The following NALF1 variants were observed in gnomAD, a reference collection of about 807,000 sequenced individuals.
NALF1 encodes the protein NALCN channel auxiliary factor 1.
A neutral mutation model predicts 48.4 loss-of-function variants in NALF1; 3 were observed. That is an observed-to-expected ratio of 0.06 (90% CI 0.03 to 0.16). The LOEUF is 0.16. NALF1 is among the 10% of genes least tolerant of loss of function. The pLI is 1.00. For missense variants in NALF1, 526 were observed against 571.5 expected (o/e 0.92, Z 0.81); for synonymous variants, 262 against 245.7 (o/e 1.07, Z -0.62).
At chr13:107,373,563 C>A (rs1883284898) in intron 1 of NALF1, among the ~76,000 whole-genome samples, 1 of 152,122 alleles carries the variant, frequency 6.6e-6, no homozygotes, top group Non-Finnish European at 1.5e-5. Flanking sequence ...GCCAATGGGT[C>A]CAGCTGTATT....
intron 1 of NALF1, among the ~76,000 whole-genome samples, chr13:107,633,084 T>C (rs1365628085): frequency 1.3e-5 from 2 of 152,112 alleles, no homozygotes; most frequent in Non-Finnish European, 2.9e-5. Flanking sequence ...TTTTGTGTTT[T>C]ATTTTTGGAA....
At chr13:107,551,706 T>C (rs946096991) in intron 1 of NALF1, among the ~76,000 whole-genome samples, 3 of 152,102 alleles carry the variant, frequency 2.0e-5, no homozygotes, top group African/African-American at 7.2e-5. Flanking sequence ...CTCTTGCCCT[T>C]GATGTTGAAA....
chr13:107,234,481 T>TATATATATATATATATATA (rs1880296642), intron 1 of NALF1, among the ~76,000 whole-genome samples: 2 of 152,108 alleles, frequency 1.3e-5, no homozygotes, highest in African/African-American at 4.8e-5. Flanking sequence ...TTTATAAACA[T>TATATATATATATATATATA]CAAAGACAGG....
At chr13:107,573,824 T>C (rs930079470) in intron 1 of NALF1, among the ~76,000 whole-genome samples, 5 of 152,292 alleles carry the variant, frequency 3.3e-5, no homozygotes, top group African/African-American at 9.6e-5. Context: ...CCTGCTGCCA[T>C]GTAAGATGTG....
chr13:107,464,305 G>T (rs1884965707), intron 1 of NALF1, among the ~76,000 whole-genome samples: 1 of 152,126 alleles, frequency 6.6e-6, no homozygotes, highest in South Asian at 2.1e-4. Flanking sequence ...TAATACACAT[G>T]AAGATGAATG....
chr13:107,845,845 A>G (rs559685753), intron 1 of NALF1, among the ~76,000 whole-genome samples: 1 of 152,322 alleles, frequency 6.6e-6, no homozygotes, highest in Non-Finnish European at 1.5e-5. Flanking sequence ...AAAGAATGCC[A>G]CTACTAAAGA....
chr13:107,706,135 A>G (rs554742355), intron 1 of NALF1, among the ~76,000 whole-genome samples: 4 of 152,320 alleles, frequency 2.6e-5, no homozygotes, highest in Non-Finnish European at 4.4e-5. Flanking sequence ...AGCCTGCTAA[A>G]GTGCAGGGAA....
chr13:107,308,346 T>C (rs1881980846), intron 1 of NALF1, among the ~76,000 whole-genome samples: 1 of 151,584 alleles, frequency 6.6e-6, no homozygotes, highest in Non-Finnish European at 1.5e-5. Context: ...GGACTAAAGG[T>C]ACCCGCCACC....
intron 1 of NALF1, among the ~76,000 whole-genome samples, chr13:107,630,644 A>T (rs1879811377): frequency 6.6e-6 from 1 of 152,148 alleles, no homozygotes; most frequent in South Asian, 2.1e-4. Context: ...TAATCGTCTA[A>T]TAGGAGGTTT....
chr13:107,614,323 A>C (rs1192445075), intron 1 of NALF1, among the ~76,000 whole-genome samples: 1 of 152,194 alleles, frequency 6.6e-6, no homozygotes, highest in East Asian at 1.9e-4. Flanking sequence ...TTGTAAGTAC[A>C]TGTGTTCTTG....
chr13:107,753,856 A>C (rs144558064), intron 1 of NALF1, among the ~76,000 whole-genome samples: 1 of 152,136 alleles, frequency 6.6e-6, no homozygotes, highest in African/African-American at 2.4e-5. Flanking sequence ...GGTACAAATA[A>C]ATCTGTGATG....
At chr13:107,373,473 C>T (rs1309325942) in intron 1 of NALF1, among the ~76,000 whole-genome samples, 7 of 152,214 alleles carry the variant, frequency 4.6e-5, no homozygotes, top group Admixed American at 2.0e-4. Context: ...GCTGGGATTC[C>T]GATCCCAGTC....
intron 1 of NALF1, among the ~76,000 whole-genome samples, chr13:107,468,801 CAA>C (rs1266987618): frequency 1.3e-5 from 2 of 152,030 alleles, no homozygotes; most frequent in East Asian, 3.9e-4. Context: ...TGGCAACAAA[CAA>C]GAGAGAAAAT....
chr13:107,807,209 T>C (rs1005573029), intron 1 of NALF1, among the ~76,000 whole-genome samples: 2 of 152,202 alleles, frequency 1.3e-5, no homozygotes, highest in African/African-American at 2.4e-5. Context: ...TCGTAAAAGT[T>C]TGTATTGTTG....
intron 1 of NALF1, among the ~76,000 whole-genome samples, chr13:107,390,218 C>T (rs1020060568): frequency 2.0e-5 from 3 of 151,728 alleles, no homozygotes; most frequent in Admixed American, 6.6e-5. Context: ...ATTAGCCTGG[C>T]GTAGTGGCAT....
chr13:107,615,339 T>A (rs924928161), intron 1 of NALF1, among the ~76,000 whole-genome samples: 2 of 152,138 alleles, frequency 1.3e-5, no homozygotes, highest in Non-Finnish European at 2.9e-5. Flanking sequence ...CCTGGTACCA[T>A]GTTGGCGGGT....
At position 107,236,662 on chromosome 13, in the gene NALF1, CATCTGTCTGTCT is replaced by C. The variant is rs1566460072; in HGVS notation, c.916-25919_916-25908del. Among the ~76,000 whole-genome samples, 11 of 148,164 alleles carry C rather than the reference CATCTGTCTGTCT, an allele frequency of 7.4e-5. 1 individual carries two copies. In the South Asian group the frequency reaches 2.0e-3, roughly 26 times the overall value. On this transcript the variant is annotated intron_variant, in intron 1 of 2. Coordinates refer to ENST00000375915, the MANE Select transcript of NALF1 (RefSeq NM_001080396.3). ...TTAATTATGGCACTATCTATCTATCCATCTGTCTGTCTATCTATCTATCTATCTATCTATCTA... is the reference window on the plus strand; with the variant it reads ...TTAATTATGGCACTATCTATCTATCCATCTATCTATCTATCTATCTATCTA...
At chr13:107,196,326 T>A (rs916035331) in intron 2 of NALF1, among the ~76,000 whole-genome samples, 44 of 152,140 alleles carry the variant, frequency 2.9e-4, no homozygotes, top group African/African-American at 1.0e-3. Flanking sequence ...ATCAGGGAAA[T>A]CATTTATAAG....
chr13:107,842,970 T>TTCC (rs1880080745), intron 1 of NALF1, among the ~76,000 whole-genome samples: 2 of 152,228 alleles, frequency 1.3e-5, no homozygotes, highest in South Asian at 4.2e-4. Flanking sequence ...CATCCAGATG[T>TTCC]TCCCCAAGCC....
Sources: gnomAD v4.1 joint callset for allele counts (sites outside exome capture counted in the v4.1 genomes callset) on GRCh38, gnomAD v4.1.1 for gene constraint, MANE v1.5 for transcripts, NCBI Gene and HGNC (gene_info 2026-07-23, HGNC 2026-07-21) for gene names.